TENM3: variants seen among roughly 807,000 people sequenced by gnomAD.
TENM3 encodes the protein teneurin-3.
A neutral mutation model predicts 255.1 loss-of-function variants in TENM3; 63 were observed. That is an observed-to-expected ratio of 0.25 (90% confidence interval 0.20 to 0.30). TENM3 has a LOEUF of 0.30. Ranked by LOEUF, TENM3 falls within the 10% of genes least tolerant of loss-of-function variation. The pLI is 1.00. For synonymous variants in TENM3, 1,306 were observed against 1,322.3 expected (o/e 0.99, Z 0.27); for missense variants, 2,929 against 3,461.1 (o/e 0.85, Z 3.86).
Position 182,601,076 on chromosome 4 carries a change from T to G in TENM3, c.664T>G (p.Leu222Val). The stretch of plus-strand genomic sequence containing the variant: ...CCAGAGTCCGGCCCCGCCGGCTGCT[T>G]TGCCCGCCGAGCTGCAAACCACACC... ...RNQSPAPPAA[L>V]PAELQTTPES... is the part of the protein sequence containing the mutation. Residue 222 changes from leucine to valine, a missense_variant, in exon 4 of 28, where the codon TTG becomes GTG. By Grantham distance (32) the Leu-to-Val change is conservative (BLOSUM62 1). Around this residue, in one of 6 missense-constraint regions of TENM3, gnomAD observed 1,608 missense variants for 1,884.4 expected, o/e 0.85. Transcript: ENST00000511685. The G allele has an allele frequency of 6.2e-7, 1 of 1,613,830 alleles. No homozygotes were observed. Among genetic ancestry groups the G allele is most frequent in the Non-Finnish European group, 8.5e-7 (1 of 1,179,856 alleles).
intron 22 of TENM3, chr4:182,772,575 C>T (rs999773453): frequency 5.3e-5 from 8 of 151,132 alleles, no homozygotes; most frequent in East Asian, 1.9e-4. Context: ...TTTCTTCAGA[C>T]GACACCATCA....
chr4:182,791,205 C>CA (rs1272991996), intron 25 of TENM3, among the ~76,000 whole-genome samples: 1 of 152,206 alleles, frequency 6.6e-6, no homozygotes, highest in Admixed American at 6.5e-5. Context: ...AACCTGCATG[C>CA]AAAAATTGCC....
At chr4:182,074,741 G>T in the TENM3 span, among the ~76,000 whole-genome samples, 1 of 152,092 alleles carries the variant, frequency 6.6e-6, no homozygotes, top group African/African-American at 2.4e-5. Flanking sequence ...TGTCACAATA[G>T]AATTAAATCA....
At chr4:182,116,228 T>A in the TENM3 span, among the ~76,000 whole-genome samples, 1 of 151,028 alleles carries the variant, frequency 6.6e-6, no homozygotes, top group East Asian at 2.0e-4. Context: ...CAACCATTAA[T>A]CTTTTGATTG....
chr4:182,226,088 G>A (rs1756139092), intron 1 of TENM3, among the ~76,000 whole-genome samples: 1 of 152,066 alleles, frequency 6.6e-6, no homozygotes, highest in Non-Finnish European at 1.5e-5. Context: ...CCATTTCCTT[G>A]TTGGAGATTT....
the TENM3 span, chr4:181,905,722 C>T: frequency 4.4e-6 from 1 of 228,538 alleles, no homozygotes; most frequent in East Asian, 1.2e-4. Context: ...CCACGGCTCA[C>T]CTTAAAAGCC....
At chr4:182,007,254 A>G in the TENM3 span, among the ~76,000 whole-genome samples, 2 of 152,300 alleles carry the variant, frequency 1.3e-5, no homozygotes, top group African/African-American at 4.8e-5. Flanking sequence ...CACTTGATAC[A>G]GAGCTAAGTT....
At chr4:182,164,370 T>C (rs1424392318) in intron 1 of TENM3, among the ~76,000 whole-genome samples, 1 of 152,202 alleles carries the variant, frequency 6.6e-6, no homozygotes, top group African/African-American at 2.4e-5. Flanking sequence ...ACTCATCACA[T>C]TGTCTAGTTA....
At chr4:182,362,603 C>A (rs2150791552) in intron 3 of TENM3, among the ~76,000 whole-genome samples, 1 of 152,206 alleles carries the variant, frequency 6.6e-6, no homozygotes, top group African/African-American at 2.4e-5. Context: ...TGGGAGTGAC[C>A]CGATTTTCCA....
the TENM3 span, among the ~76,000 whole-genome samples, chr4:181,878,550 T>G: frequency 6.6e-5 from 10 of 152,196 alleles, no homozygotes; most frequent in Non-Finnish European, 1.3e-4. Flanking sequence ...TTTCCACACT[T>G]GTAAATGCTG....
At chr4:182,780,899 T>C (rs1046029205) in intron 24 of TENM3, among the ~76,000 whole-genome samples, 1 of 150,742 alleles carries the variant, frequency 6.6e-6, no homozygotes, top group Non-Finnish European at 1.5e-5. Flanking sequence ...TTTTTGTAGA[T>C]TGATTTTGTA....
the TENM3 span, among the ~76,000 whole-genome samples, chr4:181,894,359 G>T: frequency 6.6e-6 from 1 of 152,136 alleles, no homozygotes; most frequent in Non-Finnish European, 1.5e-5. Flanking sequence ...AGCTTGTGCC[G>T]TGGAGACCTA....
At chr4:182,266,922 ATTG>A (rs1234746630) in intron 1 of TENM3, among the ~76,000 whole-genome samples, 1 of 152,150 alleles carries the variant, frequency 6.6e-6, no homozygotes, top group African/African-American at 2.4e-5. Flanking sequence ...TCCACAGACA[ATTG>A]TTGTCTTGTT....
At chr4:182,588,087 C>G (rs1033871324) in intron 3 of TENM3, among the ~76,000 whole-genome samples, 21 of 151,708 alleles carry the variant, frequency 1.4e-4, no homozygotes, top group Non-Finnish European at 7.4e-5. Flanking sequence ...TTTCAAATAC[C>G]CATAACATAA....
At chr4:181,771,942 C>T in the TENM3 span, among the ~76,000 whole-genome samples, 4 of 152,332 alleles carry the variant, frequency 2.6e-5, no homozygotes, top group East Asian at 5.8e-4. Flanking sequence ...GAAACAATTT[C>T]TCTGTGTTCT....
At chr4:181,918,290 TC>T in the TENM3 span, among the ~76,000 whole-genome samples, 2 of 152,190 alleles carry the variant, frequency 1.3e-5, no homozygotes, top group African/African-American at 4.8e-5. Flanking sequence ...TAATAGCTTT[TC>T]CTTAACTTTT....
chr4:181,851,227 T>C, the TENM3 span, among the ~76,000 whole-genome samples: 5 of 152,306 alleles, frequency 3.3e-5, no homozygotes, highest in African/African-American at 9.6e-5. Flanking sequence ...CTAACTTTCT[T>C]TGGGGCAAAC....
At chr4:181,586,569 C>T in the TENM3 span, among the ~76,000 whole-genome samples, 3 of 152,038 alleles carry the variant, frequency 2.0e-5, no homozygotes, top group African/African-American at 4.8e-5. Flanking sequence ...GGGCCAGGTG[C>T]GGTGGCTCAC....
chr4:181,926,341 A>T, the TENM3 span, among the ~76,000 whole-genome samples: 1 of 152,206 alleles, frequency 6.6e-6, no homozygotes, highest in Non-Finnish European at 1.5e-5. Context: ...ACTGTCAGAA[A>T]ATAAAGAAGA....
Sources: gnomAD v4.1 joint callset for allele counts (sites outside exome capture counted in the v4.1 genomes callset) on GRCh38, gnomAD v4.1.1 for gene constraint, gnomAD v4.1.1 regional missense constraint, MANE v1.5 for transcripts, NCBI Gene and HGNC (gene_info 2026-07-23, HGNC 2026-07-21) for gene names.